AGBL4: variants seen among roughly 807,000 people sequenced by gnomAD.
The protein encoded by AGBL4 is cytosolic carboxypeptidase 6.
A neutral mutation model predicts 66.4 loss-of-function variants in AGBL4; 58 were observed. That is an observed-to-expected ratio of 0.87 (90% CI 0.71 to 1.09). The LOEUF is 1.09. Ranked by LOEUF, AGBL4 falls within the 50% of genes least tolerant of loss-of-function variation. The pLI is 0.00. For synonymous variants in AGBL4, 234 were observed against 222.9 expected (o/e 1.05, Z -0.44); for missense variants, 579 against 631.0 (o/e 0.92, Z 0.88).
Position 49,580,749 on chromosome 1 carries a change from A to G in AGBL4, c.282+116564T>C, listed in dbSNP as rs752587137. Among the ~76,000 whole-genome samples, 5 of 152,126 alleles carry G rather than the reference A, an allele frequency of 3.3e-5. No homozygotes were observed. In the South Asian group the frequency reaches 8.3e-4, roughly 25 times the overall value. ...CTGGCCTGTGTGGTTTCTGCTGGGT[A>G]GTCCACTGTGAGTCACATGTTTTTC... is the stretch of plus-strand genomic sequence containing the variant. On this transcript the variant is annotated intron_variant, in intron 3 of 13. Transcript: ENST00000371839.
the AGBL4 span, among the ~76,000 whole-genome samples, chr1:48,525,427 T>A: frequency 6.6e-6 from 1 of 152,150 alleles, no homozygotes; most frequent in East Asian, 1.9e-4. Flanking sequence ...TTGTGTTGGA[T>A]AAATTAGTGA....
intron 5 of AGBL4, among the ~76,000 whole-genome samples, chr1:48,964,817 T>C (rs1012175274): frequency 1.3e-5 from 2 of 152,212 alleles, no homozygotes; most frequent in African/African-American, 4.8e-5. Flanking sequence ...TTTTGTTTGA[T>C]ATGAAACTCA....
intron 6 of AGBL4, among the ~76,000 whole-genome samples, chr1:48,668,846 T>C (rs1438246525): frequency 6.6e-6 from 1 of 152,218 alleles, no homozygotes; most frequent in Non-Finnish European, 1.5e-5. Flanking sequence ...TAGACATTTA[T>C]TGAGTATAAT....
rs893406495 is a variant in AGBL4 at position 48,648,078 on chromosome 1, C to A, written c.839+5259G>T. ...GTAAATACACATAACATAAAACTTACCATCATAACCATTTTTAAGTGTAGG... is the reference window on the plus strand; with the variant it reads ...GTAAATACACATAACATAAAACTTAACATCATAACCATTTTTAAGTGTAGG... On this transcript the variant is annotated intron_variant, in intron 8 of 13. Transcript: ENST00000371839. Among the ~76,000 whole-genome samples, 5 of 152,196 alleles carry A rather than the reference C, an allele frequency of 3.3e-5. No homozygotes were observed. The East Asian group carries it at 9.7e-4, about 29-fold the overall frequency.
rs1339418858 is a variant in AGBL4, at chr1:49,531,142, GA to G, written c.282+166170del. On this transcript the variant is annotated intron_variant, in intron 3 of 13. Transcript: ENST00000371839. Reference sequence around the variant, plus strand: ...AAGTTAGAGGATTTTGGTATCTTTGGAGAGTGACTTCACAGGATAAGAAAGA... The same window carrying G: ...AAGTTAGAGGATTTTGGTATCTTTGGGAGTGACTTCACAGGATAAGAAAGA... Among the ~76,000 whole-genome samples the G allele has an allele frequency of 8.0e-4, 121 of 151,918 alleles. 1 individual carries two copies. The highest frequency in any genetic ancestry group is 2.8e-3 in the African/African-American group (117 of 41,366).
intron 6 of AGBL4, among the ~76,000 whole-genome samples, chr1:48,677,524 T>C (rs1231890584): frequency 2.0e-5 from 3 of 151,988 alleles, no homozygotes; most frequent in Non-Finnish European, 4.4e-5. Context: ...GCGCATTACT[T>C]ATATAAGCTC....
At chr1:48,789,288 A>T (rs1645481108) in intron 6 of AGBL4, among the ~76,000 whole-genome samples, 1 of 50,500 alleles carries the variant, frequency 2.0e-5, no homozygotes, top group African/African-American at 4.7e-5. Flanking sequence ...ATATATATAT[A>T]TATATATTTT....
chr1:49,163,856 A>G (rs1015918161), intron 4 of AGBL4, among the ~76,000 whole-genome samples: 20 of 152,162 alleles, frequency 1.3e-4, no homozygotes, highest in Non-Finnish European at 4.4e-5. Context: ...TAAAAAAATG[A>G]ATCTTGGGGT....
intron 6 of AGBL4, among the ~76,000 whole-genome samples, chr1:48,715,183 C>T (rs367647421): frequency 3.9e-5 from 6 of 152,128 alleles, no homozygotes; most frequent in South Asian, 2.1e-4. Flanking sequence ...AAGCACATAC[C>T]TTGCCTCATA....
At chr1:48,741,988 T>C (rs1649985785) in intron 6 of AGBL4, among the ~76,000 whole-genome samples, 4 of 152,248 alleles carry the variant, frequency 2.6e-5, no homozygotes, top group South Asian at 2.1e-4. Context: ...TCACGAGCGA[T>C]TCCATTACTA....
chr1:49,583,684 G>A (rs1472136279), intron 3 of AGBL4, among the ~76,000 whole-genome samples: 8 of 152,054 alleles, frequency 5.3e-5, no homozygotes, highest in South Asian at 2.1e-4. Context: ...GGAAAACAGC[G>A]ACACATTTGG....
At chr1:49,318,370 G>A (rs1005211353) in intron 3 of AGBL4, among the ~76,000 whole-genome samples, 2 of 150,642 alleles carry the variant, frequency 1.3e-5, no homozygotes, top group African/African-American at 4.9e-5. Flanking sequence ...TACAACATAC[G>A]GGAATATTTA....
chr1:49,490,962 T>A (rs1169483771), intron 3 of AGBL4, among the ~76,000 whole-genome samples: 3 of 151,706 alleles, frequency 2.0e-5, no homozygotes, highest in Non-Finnish European at 4.4e-5. Context: ...TTTCCTCAGC[T>A]AGAAGAAAGA....
intron 6 of AGBL4, among the ~76,000 whole-genome samples, chr1:48,861,800 A>T (rs1553246112): frequency 6.6e-6 from 1 of 152,220 alleles, no homozygotes; most frequent in Non-Finnish European, 1.5e-5. Context: ...AGCAGGGAGT[A>T]GCCAGAATGA....
chr1:49,357,631 T>A (rs990957690), intron 3 of AGBL4, among the ~76,000 whole-genome samples: 2 of 152,204 alleles, frequency 1.3e-5, no homozygotes, highest in African/African-American at 4.8e-5. Flanking sequence ...TAATCCCTGT[T>A]TTACTGAAGG....
At chr1:49,292,222 C>A (rs1048257785) in intron 3 of AGBL4, among the ~76,000 whole-genome samples, 2 of 152,216 alleles carry the variant, frequency 1.3e-5, no homozygotes, top group African/African-American at 2.4e-5. Flanking sequence ...TGGGCACCAA[C>A]AAGCATAGGA....
At chr1:48,879,501 A>T (rs1209269865) in intron 5 of AGBL4, among the ~76,000 whole-genome samples, 1 of 149,956 alleles carries the variant, frequency 6.7e-6, no homozygotes, top group Non-Finnish European at 1.5e-5. Flanking sequence ...AGGGAAATTC[A>T]TATTTATTGA....
At chr1:49,342,463 T>A (rs1019924559) in intron 3 of AGBL4, among the ~76,000 whole-genome samples, 2 of 152,124 alleles carry the variant, frequency 1.3e-5, no homozygotes, top group East Asian at 1.9e-4. Context: ...TCCCTCTCAT[T>A]TTGTTTTATG....
chr1:48,814,170 C>A (rs920543883), intron 6 of AGBL4, among the ~76,000 whole-genome samples: 1 of 152,134 alleles, frequency 6.6e-6, no homozygotes, highest in South Asian at 2.1e-4. Context: ...CTGTCAACCT[C>A]CTCCTTGGGA....
Sources: allele counts gnomAD v4.1 joint callset (sites outside exome capture counted in the v4.1 genomes callset), GRCh38; gene constraint gnomAD v4.1.1; transcripts MANE v1.5; gene names NCBI Gene and HGNC (gene_info 2026-07-23, HGNC 2026-07-21).